The following CDH13 variants were observed in gnomAD, a reference collection of about 807,000 sequenced individuals.
The protein encoded by CDH13 is cadherin-13.
Under a neutral mutation model 63.8 loss-of-function variants are expected in CDH13, and 24 were observed. The observed-to-expected ratio is 0.38, with a 90% CI of 0.27 to 0.53. The LOEUF is 0.53. Ranked by LOEUF, CDH13 falls within the 20% of genes least tolerant of loss-of-function variation. The pLI is 0.85. For synonymous variants in CDH13, 503 were observed against 355.3 expected (o/e 1.42, Z -4.67); for missense variants, 1,049 against 903.1 (o/e 1.16, Z -2.07).
chr16:83,124,468 G>C (rs570745834), intron 3 of CDH13, among the ~76,000 whole-genome samples: 7 of 149,948 alleles, frequency 4.7e-5, no homozygotes, highest in Non-Finnish European at 8.9e-5. Flanking sequence ...TGCTTAGTCT[G>C]TTGATTGCTT....
chr16:83,537,502 G>C (rs568080722), intron 7 of CDH13, among the ~76,000 whole-genome samples: 1 of 152,124 alleles, frequency 6.6e-6, no homozygotes, highest in African/African-American at 2.4e-5. Context: ...TTGGGGATTG[G>C]AATATGAGGG....
At chr16:83,465,262 C>T (rs938542236) in intron 6 of CDH13, among the ~76,000 whole-genome samples, 9 of 152,144 alleles carry the variant, frequency 5.9e-5, no homozygotes, top group African/African-American at 1.7e-4. Context: ...GTGTGAGGAG[C>T]GAATGGGCTA....
chr16:83,173,166 T>A (rs1474018083), intron 4 of CDH13, among the ~76,000 whole-genome samples: 1 of 152,156 alleles, frequency 6.6e-6, no homozygotes, highest in African/African-American at 2.4e-5. Flanking sequence ...CTATGCCACT[T>A]ACATATGTCC....
At chr16:83,186,294 A>G (rs1055467995) in intron 4 of CDH13, among the ~76,000 whole-genome samples, 3 of 151,848 alleles carry the variant, frequency 2.0e-5, no homozygotes, top group Non-Finnish European at 4.4e-5. Context: ...ACATACCACC[A>G]TGCCAAGCTA....
At chr16:83,073,240 T>G (rs957211190) in intron 3 of CDH13, among the ~76,000 whole-genome samples, 1 of 152,042 alleles carries the variant, frequency 6.6e-6, no homozygotes, top group Non-Finnish European at 1.5e-5. Flanking sequence ...ACGAAATCAC[T>G]GTGCTAGTAA....
At chr16:83,259,311 A>G (rs2151833841) in intron 5 of CDH13, among the ~76,000 whole-genome samples, 1 of 152,308 alleles carries the variant, frequency 6.6e-6, no homozygotes, top group East Asian at 1.9e-4. Context: ...AAATGGGAGA[A>G]ATCTCTAAAA....
chr16:83,072,382 C>G (rs2032504732), intron 3 of CDH13, among the ~76,000 whole-genome samples: 1 of 152,184 alleles, frequency 6.6e-6, no homozygotes, highest in Non-Finnish European at 1.5e-5. Flanking sequence ...TGGGCATGTA[C>G]ATTACAATAT....
At chr16:82,926,993 C>T (rs567600240) in intron 2 of CDH13, among the ~76,000 whole-genome samples, 9 of 150,618 alleles carry the variant, frequency 6.0e-5, no homozygotes, top group South Asian at 2.1e-4. Flanking sequence ...CTGTTTTTCA[C>T]GGTGTCAGTT....
At chr16:83,199,667 T>C (rs1369409372) in intron 4 of CDH13, among the ~76,000 whole-genome samples, 1 of 152,160 alleles carries the variant, frequency 6.6e-6, no homozygotes, top group Non-Finnish European at 1.5e-5. Context: ...GACTGTTACA[T>C]GTTGTGTTTC....
At chr16:83,170,686 C>T (rs1163436301) in intron 4 of CDH13, among the ~76,000 whole-genome samples, 1 of 152,114 alleles carries the variant, frequency 6.6e-6, no homozygotes, top group African/African-American at 2.4e-5. Flanking sequence ...TCTAAGCACC[C>T]ATCCCTATAA....
intron 5 of CDH13, among the ~76,000 whole-genome samples, chr16:83,238,161 G>A (rs942248858): frequency 3.3e-5 from 5 of 151,984 alleles, no homozygotes; most frequent in African/African-American, 1.2e-4. Context: ...TCTTTGCTGA[G>A]ATGGTGTATT....
chr16:83,422,004 G>C (rs955357775), intron 6 of CDH13, among the ~76,000 whole-genome samples: 3 of 152,158 alleles, frequency 2.0e-5, no homozygotes, highest in Admixed American at 1.3e-4. Flanking sequence ...CAAGTGTTTA[G>C]TTCATCTTTT....
chr16:83,786,735 G>C (rs1915910469), intron 13 of CDH13, among the ~76,000 whole-genome samples: 1 of 151,908 alleles, frequency 6.6e-6, no homozygotes, highest in Admixed American at 6.6e-5. Context: ...TTACAGGCAT[G>C]CACCACCATG....
At chr16:82,972,934 T>C (rs1412209246) in intron 2 of CDH13, among the ~76,000 whole-genome samples, 1 of 152,192 alleles carries the variant, frequency 6.6e-6, no homozygotes, top group African/African-American at 2.4e-5. Flanking sequence ...GTCTAAAGAA[T>C]CACCACTTTA....
chr16:82,662,995 A>C (rs1303985623), intron 1 of CDH13, among the ~76,000 whole-genome samples: 1 of 152,160 alleles, frequency 6.6e-6, no homozygotes, highest in Non-Finnish European at 1.5e-5. Context: ...TTGCAGTTTC[A>C]GAAAGGGCTA....
intron 3 of CDH13, among the ~76,000 whole-genome samples, chr16:83,111,869 C>T (rs2035073658): frequency 6.6e-6 from 1 of 152,150 alleles, no homozygotes; most frequent in African/African-American, 2.4e-5. Context: ...ATGAACTTCT[C>T]CCTGATGAAG....
At chr16:83,372,550 G>C (rs2091387594) in intron 6 of CDH13, among the ~76,000 whole-genome samples, 2 of 151,906 alleles carry the variant, frequency 1.3e-5, no homozygotes, top group Admixed American at 6.6e-5. Flanking sequence ...TCAAGAGATT[G>C]AGACCATCCT....
intron 1 of CDH13, among the ~76,000 whole-genome samples, chr16:82,763,098 C>G (rs969181671): frequency 7.2e-5 from 11 of 152,112 alleles, no homozygotes; most frequent in Non-Finnish European, 1.2e-4. Flanking sequence ...CCCCAGAACA[C>G]CCCAGGCGTC....
intron 3 of CDH13, among the ~76,000 whole-genome samples, chr16:83,065,264 A>AG (rs1345064157): frequency 6.6e-6 from 1 of 152,214 alleles, no homozygotes; most frequent in East Asian, 1.9e-4. Context: ...TGAAGGTAGA[A>AG]GAAAAACCAG....
Sources: gnomAD v4.1 joint callset for allele counts (sites outside exome capture counted in the v4.1 genomes callset) on GRCh38, gnomAD v4.1.1 for gene constraint, MANE v1.5 for transcripts, NCBI Gene and HGNC (gene_info 2026-07-23, HGNC 2026-07-21) for gene names.